The following DMXL2 variants were observed in gnomAD, a reference collection of about 807,000 sequenced individuals.
DMXL2 encodes the protein Dmx like 2.
DMXL2 carries 103 observed loss-of-function variants against 331.1 expected under a neutral mutation model. The observed-to-expected ratio is 0.31, with a 90% CI of 0.27 to 0.37. The LOEUF (loss-of-function observed/expected upper bound fraction) is 0.37, where lower values mean the gene tolerates loss of function less well. Among genes scored for constraint, DMXL2 ranks in the 10% least tolerant of loss-of-function variants. The pLI is 1.00. For synonymous variants in DMXL2, 1,281 were observed against 1,252.1 expected, an observed-to-expected ratio of 1.02 and a Z score of -0.49; for missense variants, 3,171 against 3,642.9, an observed-to-expected ratio of 0.87 and a Z score of 3.33.
At chr15:51,465,856 C>T (rs1363814094) in intron 30 of DMXL2, among the ~76,000 whole-genome samples, 1 of 152,094 alleles carries the variant, frequency 6.6e-6, no homozygotes, top group Non-Finnish European at 1.5e-5. Flanking sequence ...AAAATTACCT[C>T]GTGGAAAAAG....
chr15:51,525,020 G>A (rs1160968386), intron 13 of DMXL2, among the ~76,000 whole-genome samples: 1 of 151,790 alleles, frequency 6.6e-6, no homozygotes, highest in Non-Finnish European at 1.5e-5. Flanking sequence ...CGACAGAAGA[G>A]TGGGGAGGAT....
At position 51,545,715 on chromosome 15, in the gene DMXL2, C is replaced by T. The variant is rs748927947; in HGVS notation, c.798G>A (p.Arg266=). The part of the protein sequence containing the change: ...LLTSCHDGVC[R]LWAETLLPED... ...CTGGTAATAAAGTTTCTGCCCAGAG[C>T]CGGCACACACCATCATGACATGAAG... Residue 266 remains arginine, a synonymous_variant, in exon 8 of 44, where the codon CGG becomes CGA. Coordinates refer to ENST00000560891, the MANE Select transcript of DMXL2 (RefSeq NM_001378457.1). The T allele has an allele frequency of 3.2e-5, 51 of 1,613,458 alleles. No individual in the cohort carries two copies. Among genetic ancestry groups the T allele is most frequent in the Admixed American group, 1.2e-4 (7 of 59,958 alleles).
intron 1 of DMXL2, among the ~76,000 whole-genome samples, chr15:51,597,620 C>T (rs1814093638): frequency 1.3e-5 from 2 of 152,128 alleles, no homozygotes; most frequent in South Asian, 4.1e-4. Flanking sequence ...AGGGAAATCT[C>T]GCATACGTGC....
rs1258542787 is a variant in DMXL2 at position 51,499,219 on chromosome 15, C to T, written c.4005G>A (p.Glu1335=). Residue 1335 remains glutamate (E), a synonymous_variant, in exon 18 of 44, where the codon GAG becomes GAA. Coordinates refer to ENST00000560891, the MANE Select transcript of DMXL2 (RefSeq NM_001378457.1). ...GAGTAGGGGAAAGTACATGTGCAGC[C>T]TCAAATAAGCCACCATCTTGAATTA... is the stretch of plus-strand genomic sequence containing the variant. The part of the protein sequence containing the change: ...PTVIQDGGLF[E]AAHVLSPTLP... 3.1e-6 allele frequency: 5 copies of T among 1,613,902 alleles called. No individual in the cohort carries two copies. Among genetic ancestry groups the T allele is most frequent in the Middle Eastern group, 1.6e-4 (1 of 6,084 alleles).
At position 51,465,556 on chromosome 15, in the gene DMXL2, C is replaced by T. The variant is rs1210300785; in HGVS notation, c.7606+10G>A. On this transcript the variant is annotated intron_variant, in intron 31 of 43. Transcript: ENST00000560891. ...ACTTAATAACATTAATTTTTAAATT[C>T]CAAACTCACCAGAGAATTCCAGTCC... 6.4e-7 allele frequency: 1 copy of T among 1,572,826 alleles called. No homozygotes were observed. Among genetic ancestry groups the T allele is most frequent in the South Asian group, 1.2e-5 (1 of 86,036 alleles).
chr15:51,481,540 C>G lies in DMXL2; in HGVS notation c.5566G>C (p.Ala1856Pro). The change falls in exon 24 of 44, where the codon GCC becomes CCC. Residue 1856 changes from alanine (A) to proline (P), a missense_variant. This residue lies in a region of DMXL2 where 244 missense variants were observed against 251.4 expected (regional missense o/e 0.97). Coordinates refer to ENST00000560891, the MANE Select transcript of DMXL2 (RefSeq NM_001378457.1). Reference sequence around the variant, plus strand: ...GTTGCCAAAGTTCCTTCAGGGGAGGCAAGATTTCTTCGAATGAGCAAAGGA... The same window carrying G: ...GTTGCCAAAGTTCCTTCAGGGGAGGGAAGATTTCTTCGAATGAGCAAAGGA... ...THPLLIRRNLASPEGTLATLG... is the reference protein window; with the variant it reads ...THPLLIRRNLPSPEGTLATLG... The G allele has an allele frequency of 6.2e-7, 1 of 1,611,190 alleles. No homozygotes were observed. Among genetic ancestry groups the G allele is most frequent in the Non-Finnish European group, 8.5e-7 (1 of 1,179,296 alleles).
At chr15:51,517,009 T>G (rs2047073726) in intron 14 of DMXL2, 69 bp downstream of exon 14, 1 of 1,177,036 alleles carries the variant, frequency 8.5e-7, no homozygotes, top group South Asian at 1.3e-5. Flanking sequence ...GAATGACATA[T>G]ATCATATACA....
chr15:51,550,196 G>A (rs1014939254), intron 6 of DMXL2, among the ~76,000 whole-genome samples: 1 of 152,056 alleles, frequency 6.6e-6, no homozygotes, highest in African/African-American at 2.4e-5. Flanking sequence ...CTCAACAGAT[G>A]CAGAAAAAGC....
chr15:51,596,220 A>T (rs2052790301), intron 1 of DMXL2, among the ~76,000 whole-genome samples: 1 of 152,246 alleles, frequency 6.6e-6, no homozygotes, highest in Non-Finnish European at 1.5e-5. Context: ...AAACAAATCT[A>T]CAAGAAAAAA....
intron 33 of DMXL2, chr15:51,459,871 T>C (rs900107440): frequency 8.7e-6 from 10 of 1,145,470 alleles, no homozygotes; most frequent in Non-Finnish European, 1.1e-5. Context: ...GACTATTACA[T>C]AAACACAAGA....
intron 8 of DMXL2, among the ~76,000 whole-genome samples, chr15:51,545,242 G>A (rs2048825890): frequency 6.6e-6 from 1 of 151,794 alleles, no homozygotes; most frequent in African/African-American, 2.4e-5. Flanking sequence ...TAATTTCAAG[G>A]ATCTTTACAT....
chr15:51,599,506 A>G (rs888647794), intron 1 of DMXL2, among the ~76,000 whole-genome samples: 3 of 152,234 alleles, frequency 2.0e-5, no homozygotes, highest in African/African-American at 7.2e-5. Flanking sequence ...CATCCGTATC[A>G]TATCTACATA....
chr15:51,494,888 G>T, intron 19 of DMXL2, 136 bp downstream of exon 19: 1 of 533,702 alleles, frequency 1.9e-6, no homozygotes, highest in Non-Finnish European at 3.3e-6. Flanking sequence ...TGGGTACTAT[G>T]TGACAGAAAG....
chr15:51,595,890 C>T (rs1207458840), intron 1 of DMXL2, among the ~76,000 whole-genome samples: 1 of 152,132 alleles, frequency 6.6e-6, no homozygotes, highest in African/African-American at 2.4e-5. Flanking sequence ...AAACTGGATC[C>T]CTTCCTTACA....
chr15:51,555,701 A>G (rs1489675996), intron 6 of DMXL2, among the ~76,000 whole-genome samples: 1 of 152,208 alleles, frequency 6.6e-6, no homozygotes, highest in Non-Finnish European at 1.5e-5. Flanking sequence ...TAGATATTAA[A>G]AGATAAGGTG....
At chr15:51,473,337 G>T (rs1008657824) in intron 28 of DMXL2, among the ~76,000 whole-genome samples, 1 of 152,140 alleles carries the variant, frequency 6.6e-6, no homozygotes, top group Admixed American at 6.5e-5. Context: ...TGTACTGGCA[G>T]GTTTTAAGCA....
At chr15:51,455,263 T>G in intron 39 of DMXL2, 35 bp from the exon 40 acceptor site, 1 of 1,548,976 alleles carries the variant, frequency 6.5e-7, no homozygotes, top group East Asian at 2.2e-5. Flanking sequence ...ACACATGTTC[T>G]TAGCATCCAC....
At chr15:51,593,006 C>T (rs1479843369) in intron 1 of DMXL2, among the ~76,000 whole-genome samples, 1 of 152,192 alleles carries the variant, frequency 6.6e-6, no homozygotes, top group African/African-American at 2.4e-5. Context: ...ATTGCATCAA[C>T]TAATGAGCAA....
intron 43 of DMXL2, among the ~76,000 whole-genome samples, chr15:51,449,647 A>G (rs2038962701): frequency 6.6e-6 from 1 of 152,200 alleles, no homozygotes; most frequent in East Asian, 1.9e-4. Flanking sequence ...AACTCATAGT[A>G]AGTTGAAAAT....
Sources: gnomAD v4.1 joint callset for allele counts (sites outside exome capture counted in the v4.1 genomes callset) on GRCh38, gnomAD v4.1.1 for gene constraint, gnomAD v4.1.1 regional missense constraint, MANE v1.5 for transcripts, NCBI Gene and HGNC (gene_info 2026-07-23, HGNC 2026-07-21) for gene names.